PBRM1: variants seen among roughly 807,000 people sequenced by gnomAD.
PBRM1 encodes the protein polybromo 1.
Under a neutral mutation model 194.5 loss-of-function variants are expected in PBRM1, and 27 were observed. That is an observed-to-expected ratio of 0.14 (90% CI 0.10 to 0.19). The LOEUF (loss-of-function observed/expected upper bound fraction) is 0.19. Among genes scored for constraint, PBRM1 ranks in the 10% least tolerant of loss-of-function variants. PBRM1 has a pLI of 1.00. For missense variants in PBRM1, 1,466 were observed against 2,077.2 expected (o/e 0.71, Z 5.72); for synonymous variants, 655 against 693.2 (o/e 0.94, Z 0.87).
At chr3:52,656,708 T>G (rs982562347) in intron 5 of PBRM1, among the ~76,000 whole-genome samples, 1 of 152,064 alleles carries the variant, frequency 6.6e-6, no homozygotes, top group South Asian at 2.1e-4. Context: ...AAAGTGCTTA[T>G]TTTATCAATG....
At chr3:52,612,969 T>C (rs2153452416) in intron 15 of PBRM1, among the ~76,000 whole-genome samples, 1 of 151,924 alleles carries the variant, frequency 6.6e-6, no homozygotes, top group South Asian at 2.1e-4. Context: ...GAGAGTCTGA[T>C]TTGAGGAAAT....
At chr3:52,554,879 C>A (rs771399361) in exon 27 of PBRM1, 1 of 1,605,800 alleles carries the variant, frequency 6.2e-7, no homozygotes, top group South Asian at 1.1e-5. Context: ...ACCCATCATG[C>A]CTTGAAGGAC....
intron 9 of PBRM1, among the ~76,000 whole-genome samples, chr3:52,642,573 C>T (rs1046399167): frequency 7.1e-6 from 1 of 140,676 alleles, no homozygotes; most frequent in Admixed American, 7.6e-5. Flanking sequence ...TGTGCCACTG[C>T]ACTCCAGCCT....
chr3:52,564,132 C>T (rs772970975), exon 23 of PBRM1: 3 of 1,613,782 alleles, frequency 1.9e-6, no homozygotes, highest in Admixed American at 3.3e-5. Flanking sequence ...ATCTGCTTGT[C>T]GCTCTCATTG....
chr3:52,565,932 C>T (rs2085051022), intron 22 of PBRM1, among the ~76,000 whole-genome samples: 1 of 152,052 alleles, frequency 6.6e-6, no homozygotes, highest in African/African-American at 2.4e-5. Flanking sequence ...CGCCTGTAGT[C>T]CCAGCTAGTC....
chr3:52,642,484 T>A (rs925830853), intron 9 of PBRM1, among the ~76,000 whole-genome samples: 1 of 151,422 alleles, frequency 6.6e-6, no homozygotes, highest in Non-Finnish European at 1.5e-5. Flanking sequence ...GGTGTGGTAG[T>A]AGGCACCTGT....
rs2092428831 is a variant in PBRM1 at position 52,586,696 on chromosome 3, G to T, written c.3124-8C>A. On this transcript the variant is annotated splice_polypyrimidine_tract_variant and splice_region_variant and intron_variant, in intron 19 of 29. Coordinates refer to ENST00000296302, the Ensembl canonical transcript of PBRM1. Reference sequence around the variant, plus strand: ...GCATAACTTAAAGTATTCCTGGGGGGTGGGGAGGGCATAAGAATAAAACTA... The same window carrying T: ...GCATAACTTAAAGTATTCCTGGGGGTTGGGGAGGGCATAAGAATAAAACTA... 1.8e-5 allele frequency: 28 copies of T among 1,577,922 alleles called. No individual in the cohort carries two copies. The highest frequency in any genetic ancestry group is 2.4e-5 in the Non-Finnish European group (28 of 1,155,178).
intron 22 of PBRM1, 36 bp downstream of exon 24, chr3:52,576,505 A>C: frequency 2.6e-6 from 4 of 1,547,496 alleles, no homozygotes; most frequent in Non-Finnish European, 3.5e-6. Flanking sequence ...TTTTGATGGA[A>C]TAAACACGAT....
intron 10 of PBRM1, among the ~76,000 whole-genome samples, chr3:52,637,773 C>CAAAAAAAAAAAAATAA (rs2095877006): frequency 2.4e-5 from 1 of 42,236 alleles, no homozygotes; most frequent in Non-Finnish European, 5.3e-5. Context: ...ACTAAAAATA[C>CAAAAAAAAAAAAATAA]AAAAAAAAAA....
At chr3:52,630,211 A>G (rs1448006341) in intron 11 of PBRM1, among the ~76,000 whole-genome samples, 1 of 151,872 alleles carries the variant, frequency 6.6e-6, no homozygotes, top group African/African-American at 2.4e-5. Flanking sequence ...GTGGGGGAGG[A>G]AAAAGAAAAA....
intron 3 of PBRM1, among the ~76,000 whole-genome samples, chr3:52,664,412 GAAAAAAAA>G: frequency 9.9e-6 from 1 of 101,172 alleles, no homozygotes; most frequent in South Asian, 3.9e-4. Context: ...TGAAAGAACT[GAAAAAAAA>G]AAAAAAAAAA....
chr3:52,579,291 C>T, intron 20 of PBRM1, 92 bp from the exon 23 acceptor site: 1 of 1,250,176 alleles, frequency 8.0e-7, no homozygotes, highest in Non-Finnish European at 1.2e-6. Context: ...TTCACATTAA[C>T]TTAAAAGAAA....
intron 17 of PBRM1, among the ~76,000 whole-genome samples, chr3:52,600,639 T>C (rs2093925131): frequency 6.6e-6 from 1 of 152,214 alleles, no homozygotes; most frequent in South Asian, 2.1e-4. Context: ...TCCTGGAATC[T>C]GATAAATTAC....
chr3:52,597,732 C>A (rs2093680520), intron 17 of PBRM1, among the ~76,000 whole-genome samples: 14 of 151,534 alleles, frequency 9.2e-5, no homozygotes, highest in Admixed American at 9.2e-4. Flanking sequence ...TCGGGAGAGT[C>A]TCACTGTGTC....
At chr3:52,551,555 T>C (rs1001240204) in intron 27 of PBRM1, among the ~76,000 whole-genome samples, 4 of 152,146 alleles carry the variant, frequency 2.6e-5, no homozygotes, top group African/African-American at 7.2e-5. Context: ...TCACGAGCAA[T>C]TGTTGTCTCA....
intron 13 of PBRM1, among the ~76,000 whole-genome samples, chr3:52,623,221 G>A (rs2153544556): frequency 6.6e-6 from 1 of 152,276 alleles, no homozygotes; most frequent in East Asian, 1.9e-4. Flanking sequence ...CCAGGAGTTT[G>A]AGGCTACAAT....
intron 3 of PBRM1, among the ~76,000 whole-genome samples, chr3:52,667,029 G>A (rs1437087244): frequency 5.3e-5 from 8 of 152,104 alleles, no homozygotes; most frequent in Admixed American, 2.0e-4. Context: ...TGACAGCAAC[G>A]ATTGCGAACA....
upstream of PBRM1, among the ~76,000 whole-genome samples, chr3:52,679,887 T>C (rs1455623879): frequency 5.9e-5 from 9 of 152,050 alleles, no homozygotes; most frequent in Non-Finnish European, 1.3e-4. Flanking sequence ...AGCCCTGGAC[T>C]TCCTTGTTTT....
At chr3:52,606,443 A>C (rs531085965) in intron 16 of PBRM1, among the ~76,000 whole-genome samples, 1 of 152,324 alleles carries the variant, frequency 6.6e-6, no homozygotes, top group African/African-American at 2.4e-5. Flanking sequence ...AAAAGTAAAA[A>C]ATTTTTGTAA....
Sources: allele counts gnomAD v4.1 joint callset (sites outside exome capture counted in the v4.1 genomes callset), GRCh38; gene constraint gnomAD v4.1.1; transcripts MANE v1.5; gene names NCBI Gene and HGNC (gene_info 2026-07-23, HGNC 2026-07-21).